The following ARHGEF33 variants were observed in gnomAD, a reference collection of about 807,000 sequenced individuals.
The protein encoded by ARHGEF33 is DH and coiled-coil domain-containing protein ENSP00000381780.
ARHGEF33 carries 72 observed loss-of-function variants against 101.9 expected under a neutral mutation model. That is an observed-to-expected ratio of 0.71 (90% CI 0.58 to 0.86). The LOEUF is 0.86. ARHGEF33 is among the 40% of genes least tolerant of loss of function. The probability of loss-of-function intolerance (pLI) is 0.00; values close to 1 mark genes in which losing one functional copy is unlikely to be tolerated. For missense variants in ARHGEF33, 1,169 were observed against 1,111.3 expected (o/e 1.05, Z -0.74); for synonymous variants, 499 against 442.5 (o/e 1.13, Z -1.60).
intron 7 of ARHGEF33, among the ~76,000 whole-genome samples, chr2:38,932,035 G>A (rs1047314424): frequency 3.3e-5 from 5 of 152,170 alleles, no homozygotes; most frequent in African/African-American, 1.2e-4. Flanking sequence ...TAGACAATGT[G>A]TATTCTGAAT....
At chr2:38,898,183 G>T (rs1199356955) in intron 2 of ARHGEF33, among the ~76,000 whole-genome samples, 1 of 152,140 alleles carries the variant, frequency 6.6e-6, no homozygotes, top group Non-Finnish European at 1.5e-5. Flanking sequence ...TTTTGGAGGG[G>T]ATCATTGACT....
intron 4 of ARHGEF33, among the ~76,000 whole-genome samples, chr2:38,922,600 C>T (rs1666783329): frequency 1.3e-5 from 2 of 152,164 alleles, no homozygotes; most frequent in Admixed American, 1.3e-4. Flanking sequence ...ACTGAATACA[C>T]ATTTATTGAG....
Position 38,929,709 on chromosome 2 carries a change from G to A in ARHGEF33, c.241G>A (p.Glu81Lys). ...EMKNSLNYFK[E>K]ELSNAMSMIQ... is the part of the protein sequence containing the mutation. Reference sequence around the variant, plus strand: ...AAACATAGCAATTCTTATTTTTTAGGAAGAGCTGAGCAATGCCATGTCGAT... The same window carrying A: ...AAACATAGCAATTCTTATTTTTTAGAAAGAGCTGAGCAATGCCATGTCGAT... Residue 81 changes from glutamate (E) to lysine (K), a missense_variant and splice_region_variant, in exon 6 of 18, where the codon GAA becomes AAA. Physicochemically the swap from Glu to Lys is moderately conservative, Grantham distance 56. Coordinates refer to ENST00000409978, the MANE Select transcript of ARHGEF33 (RefSeq NM_001145451.5). The A allele has an allele frequency of 2.6e-6, 4 of 1,550,080 alleles. No homozygotes were observed. Among genetic ancestry groups the A allele is most frequent in the Non-Finnish European group, 3.5e-6 (4 of 1,146,012 alleles).
intron 2 of ARHGEF33, among the ~76,000 whole-genome samples, chr2:38,906,805 C>CAAAA (rs769713983): frequency 4.0e-5 from 2 of 50,406 alleles, no homozygotes; most frequent in African/African-American, 1.4e-4. Context: ...CCTGTATCTA[C>CAAAA]AAAAAAAAAA....
chr2:38,921,239 C>G, intron 3 of ARHGEF33, 135 bp from the exon 4 acceptor site: 3 of 630,270 alleles, frequency 4.8e-6, no homozygotes. Context: ...TTTTTTGTTC[C>G]CCTGGAATCA....
chr2:38,971,043 C>G (rs1668155201), intron 17 of ARHGEF33, among the ~76,000 whole-genome samples: 1 of 152,186 alleles, frequency 6.6e-6, no homozygotes, highest in African/African-American at 2.4e-5. Context: ...GACTGGCCAA[C>G]AGGATGGGTG....
intron 10 of ARHGEF33, among the ~76,000 whole-genome samples, chr2:38,949,312 C>A (rs1419872142): frequency 6.6e-6 from 1 of 152,112 alleles, no homozygotes; most frequent in Non-Finnish European, 1.5e-5. Flanking sequence ...GTTAAACTTG[C>A]GGTGCTGAAA....
intron 2 of ARHGEF33, among the ~76,000 whole-genome samples, chr2:38,908,150 G>A (rs1205074303): frequency 3.3e-5 from 5 of 152,162 alleles, no homozygotes; most frequent in Non-Finnish European, 7.3e-5. Flanking sequence ...ATAGGCTTGA[G>A]CCACCGTGCC....
At chr2:38,942,583 T>C (rs1179787865) in intron 9 of ARHGEF33, among the ~76,000 whole-genome samples, 1 of 151,958 alleles carries the variant, frequency 6.6e-6, no homozygotes, top group Non-Finnish European at 1.5e-5. Flanking sequence ...AATTAGCCTC[T>C]CTTTTTAAAA....
intron 11 of ARHGEF33, 72 bp from the exon 12 acceptor site, chr2:38,953,090 A>G (rs1667652433): frequency 2.7e-6 from 2 of 744,750 alleles, no homozygotes; most frequent in Non-Finnish European, 4.8e-6. Context: ...TCTTTTACAT[A>G]TATGACTCTA....
intron 7 of ARHGEF33, among the ~76,000 whole-genome samples, chr2:38,932,821 T>A (rs1300972701): frequency 6.6e-6 from 1 of 152,216 alleles, no homozygotes. Flanking sequence ...AGTGCCTACA[T>A]GGATTTCAAT....
Position 38,951,076 on chromosome 2 carries a change from C to A in ARHGEF33, c.1008C>A (p.Arg336=). The change falls in exon 11 of 18, where the codon CGC becomes CGA. Residue 336 remains arginine, a synonymous_variant. Transcript: ENST00000409978. The part of the protein sequence containing the change: ...ALQERVLKWP[R]QGVLGDLFLK... ...AGGAAAGGGTCCTGAAGTGGCCACG[C>A]CAAGGCGTTCTTGGAGATTTATTCC... The A allele has an allele frequency of 6.4e-7, 1 of 1,551,990 alleles. No homozygotes were observed. Among genetic ancestry groups the A allele is most frequent in the Non-Finnish European group, 8.7e-7 (1 of 1,147,042 alleles).
chr2:38,973,173 A>T (rs556216272), intron 17 of ARHGEF33: 1 of 152,510 alleles, frequency 6.6e-6, no homozygotes, highest in South Asian at 2.1e-4. Flanking sequence ...GGTGGTTGAG[A>T]TTATAGTATC....
At chr2:38,962,770 T>C (rs1380901476) in intron 16 of ARHGEF33, among the ~76,000 whole-genome samples, 1 of 146,364 alleles carries the variant, frequency 6.8e-6, no homozygotes, top group Non-Finnish European at 1.5e-5. Flanking sequence ...ATCCTAGCAC[T>C]TTGGGAGGCC....
At position 38,959,981 on chromosome 2, in the gene ARHGEF33, G is replaced by A. The variant is rs1667873061; in HGVS notation, c.1676G>A (p.Cys559Tyr). 2.6e-6 allele frequency: 4 copies of A among 1,550,834 alleles called. No homozygotes were observed. In the South Asian group the frequency reaches 3.6e-5, roughly 14 times the overall value. Residue 559 changes from cysteine (C) to tyrosine (Y), a missense_variant, in exon 16 of 18, where the codon TGC (cysteine) becomes TAC (tyrosine). Physicochemically the swap from Cys to Tyr is radical, Grantham distance 194. Transcript: ENST00000409978. ...PESLLAPTQFCAAEQDVKALA... is the reference protein window; with the variant it reads ...PESLLAPTQFYAAEQDVKALA... ...AGCCTTCTGGCACCGACGCAGTTCTGCGCGGCCGAGCAGGACGTGAAGGCG... is the reference window on the plus strand; with the variant it reads ...AGCCTTCTGGCACCGACGCAGTTCTACGCGGCCGAGCAGGACGTGAAGGCG...
At chr2:38,899,037 TA>T (rs1003987754) in intron 2 of ARHGEF33, among the ~76,000 whole-genome samples, 1 of 152,040 alleles carries the variant, frequency 6.6e-6, no homozygotes, top group Non-Finnish European at 1.5e-5. Context: ...ATTTTTTTTT[TA>T]AAGAGTGGTC....
intron 7 of ARHGEF33, among the ~76,000 whole-genome samples, chr2:38,935,156 G>A (rs1418629905): frequency 1.3e-5 from 2 of 152,220 alleles, no homozygotes; most frequent in African/African-American, 2.4e-5. Flanking sequence ...AGCCATTGGA[G>A]GGCTAAGCAG....
At chr2:38,948,787 T>C (rs1667516221) in intron 10 of ARHGEF33, among the ~76,000 whole-genome samples, 1 of 152,190 alleles carries the variant, frequency 6.6e-6, no homozygotes, top group African/African-American at 2.4e-5. Flanking sequence ...CACCTAGATC[T>C]TTGGCTGGTG....
Position 38,946,392 on chromosome 2 carries a change from C to T in ARHGEF33, c.920+2362C>T, listed in dbSNP as rs529176736. ...GATCATAGTTATTTCAAGATATCTG[C>T]GATAATGCTATTCATGTTAGTTATT... On this transcript the variant is annotated intron_variant, in intron 10 of 17. Transcript: ENST00000409978. Among the ~76,000 whole-genome samples the T allele has an allele frequency of 2.6e-3, 397 of 152,174 alleles. 3 individuals are homozygous for T. The highest frequency in any genetic ancestry group is 5.0e-3 in the Non-Finnish European group (338 of 68,006).
Sources: allele counts gnomAD v4.1 joint callset (sites outside exome capture counted in the v4.1 genomes callset), GRCh38; gene constraint gnomAD v4.1.1; transcripts MANE v1.5; gene names NCBI Gene and HGNC (gene_info 2026-07-23, HGNC 2026-07-21).